The following SGSM2 variants were observed in gnomAD, a reference collection of about 807,000 sequenced individuals.
SGSM2 encodes the protein small G protein signaling modulator 2.
SGSM2 carries 89 observed loss-of-function variants against 126.6 expected under a neutral mutation model. The observed-to-expected ratio is 0.70, with a 90% CI of 0.59 to 0.84. The LOEUF is 0.84. Among genes scored for constraint, SGSM2 ranks in the 40% least tolerant of loss-of-function variants. The pLI, the probability that SGSM2 is intolerant of heterozygous loss-of-function variation, is 0.00. For missense variants in SGSM2, 1,404 were observed against 1,416.6 expected, an observed-to-expected ratio of 0.99 and a Z score of 0.14; for synonymous variants, 614 against 574.3, an observed-to-expected ratio of 1.07 and a Z score of -0.99.
In SGSM2 at chr17:2,377,008, G is replaced by A; in HGVS notation, c.2742G>A (p.Gln914=). The A allele has an allele frequency of 6.2e-7, 1 of 1,613,942 alleles. No homozygotes were observed. The highest frequency in any genetic ancestry group is 8.5e-7 in the Non-Finnish European group (1 of 1,179,986). Residue 914 remains glutamine (Q), a synonymous_variant, in exon 21 of 24, where the codon CAG becomes CAA. Coordinates refer to ENST00000268989, the MANE Select transcript of SGSM2 (RefSeq NM_014853.3). ...CFSHLMKRMS[Q]NFPNGGAMDT... ...GCCACCTCATGAAGAGGATGAGCCA[G>A]AACTTCCCCAACGGGGGTGCCATGG...
rs1294555249 is a variant in SGSM2 at position 2,375,583 on chromosome 17, C to G, written c.2192C>G (p.Thr731Ser). 1.2e-6 allele frequency: 2 copies of G among 1,613,798 alleles called. No individual in the cohort carries two copies. Among genetic ancestry groups the G allele is most frequent in the African/African-American group, 2.7e-5 (2 of 74,920 alleles). Reference protein sequence around the residue: ...PKPEQEAGPGTPGTAVVEQQH... With the variant: ...PKPEQEAGPGSPGTAVVEQQH... ...CCTGAGCAGGAAGCAGGACCCGGGA[C>G]TCCGGGCACCGCCGTGGTGGAGCAG... is the stretch of plus-strand genomic sequence containing the variant. Residue 731 changes from threonine (T) to serine (S), a missense_variant, in exon 18 of 24, where the codon ACT becomes AGT. Transcript: ENST00000268989.
chr17:2,362,243 T>C lies in SGSM2; in HGVS notation c.431T>C (p.Val144Ala). ...CTCATCGAGAAAGTTCTGGACAAGGTCGTGCAATACCTGGCGGAAAACTGC... is the reference window on the plus strand; with the variant it reads ...CTCATCGAGAAAGTTCTGGACAAGGCCGTGCAATACCTGGCGGAAAACTGC... ...TALIEKVLDKVVQYLAENCSK... is the reference protein window; with the variant it reads ...TALIEKVLDKAVQYLAENCSK... The change falls in exon 4 of 24, where the codon GTC (valine) becomes GCC (alanine). Residue 144 changes from valine (V) to alanine (A), a missense_variant. Coordinates refer to ENST00000268989, the MANE Select transcript of SGSM2 (RefSeq NM_014853.3). This position sits in a 1 kb window ranked among gnomAD's most constrained non-coding sequence, Gnocchi z 4.9. 4 of 1,612,470 alleles carry C rather than the reference T, an allele frequency of 2.5e-6. No individual in the cohort carries two copies. Among genetic ancestry groups the C allele is most frequent in the Non-Finnish European group, 3.4e-6 (4 of 1,179,516 alleles).
In SGSM2 at chr17:2,337,776, C is replaced by G. The variant is rs769709173; in HGVS notation, c.57+31C>G. The G allele has an allele frequency of 1.4e-5, 21 of 1,492,466 alleles. No individual in the cohort carries two copies. The African/African-American group carries it at 2.8e-4, about 20-fold the overall frequency. 92.5% of individuals were successfully genotyped at this position (1,492,466 alleles called of 1,614,324 possible). ...GTCGAGTCAAGAACCCCGGGGGGCTCGCGCCCTGGCCCGCGCGGCCCAGGG... is the reference window on the plus strand; with the variant it reads ...GTCGAGTCAAGAACCCCGGGGGGCTGGCGCCCTGGCCCGCGCGGCCCAGGG... On this transcript the variant is annotated intron_variant, in intron 1 of 23. Transcript: ENST00000268989. This position sits in a 1 kb window ranked among gnomAD's most constrained non-coding sequence, Gnocchi z 5.1.
chr17:2,351,327 T>C (rs1210865714), intron 2 of SGSM2, among the ~76,000 whole-genome samples: 1 of 151,322 alleles, frequency 6.6e-6, no homozygotes, highest in African/African-American at 2.4e-5. Flanking sequence ...TGCCCAGGGA[T>C]TGGTCTGCCT....
At chr17:2,348,903 A>C (rs1320577841) in intron 2 of SGSM2, among the ~76,000 whole-genome samples, 1 of 152,054 alleles carries the variant, frequency 6.6e-6, no homozygotes, top group African/African-American at 2.4e-5. Context: ...CTGGGTCTAC[A>C]GGTCTACGCG....
chr17:2,359,703 A>ACTCCCCAGTCCCCC (rs1555599012), intron 2 of SGSM2, among the ~76,000 whole-genome samples: 2 of 152,034 alleles, frequency 1.3e-5, no homozygotes, highest in Admixed American at 1.3e-4. Flanking sequence ...CCCAGTCCCC[A>ACTCCCCAGTCCCCC]CGGCCTGGCT....
rs146837751 is a variant in SGSM2 at position 2,376,224 on chromosome 17, C to T, written c.2572C>T (p.Pro858Ser). 5 of 1,613,958 alleles carry T rather than the reference C, an allele frequency of 3.1e-6. No homozygotes were observed. Among genetic ancestry groups the T allele is most frequent in the Non-Finnish European group, 4.2e-6 (5 of 1,179,992 alleles). Reference sequence around the variant, plus strand: ...TGACCGCAACTACTGGTACTTCACGCCCCCCAACCTCGAGAGGCTCAGAGA... The same window carrying T: ...TGACCGCAACTACTGGTACTTCACGTCCCCCAACCTCGAGAGGCTCAGAGA... ...RCDRNYWYFT[P>S]PNLERLRDVM... Residue 858 changes from proline to serine, a missense_variant, in exon 19 of 24, where the codon CCC becomes TCC. Pro to Ser is a moderately conservative substitution (Grantham distance 74). Coordinates refer to ENST00000268989, the MANE Select transcript of SGSM2 (RefSeq NM_014853.3).
At chr17:2,343,820 G>A (rs147378901) in intron 2 of SGSM2, among the ~76,000 whole-genome samples, 200 bp downstream of exon 2, 250 of 152,268 alleles carry the variant, frequency 1.6e-3, no homozygotes, top group African/African-American at 5.8e-3. Flanking sequence ...AAGAATCTGC[G>A]TATTTTTTGT....
rs1031868560 is a variant in SGSM2, at chr17:2,363,186, C to A, written c.672+52C>A. On this transcript the variant is annotated intron_variant, in intron 6 of 23. Coordinates refer to ENST00000268989, the MANE Select transcript of SGSM2 (RefSeq NM_014853.3). The surrounding 1 kb of genome is among the most constrained non-coding windows in gnomAD (Gnocchi z 4.2). ...GCTCATCTGGGCTATGCCCATGGGC[C>A]TGTAGGGACGGGAAACCGGCCTCTC... The A allele has an allele frequency of 5.2e-6, 8 of 1,533,158 alleles. No homozygotes were observed. The highest frequency in any genetic ancestry group is 7.0e-6 in the Non-Finnish European group (8 of 1,143,172). The allele number at this position is 1,533,158 out of a possible 1,614,324, so 95.0% of individuals were successfully genotyped here. A position where few individuals can be genotyped will look rare whatever the true frequency, so the allele number is the denominator to read the frequency against.
chr17:2,363,847 T>C lies in SGSM2; in HGVS notation c.808-212T>C. 1.3e-6 allele frequency: 1 copy of C among 778,408 alleles called. No individual in the cohort carries two copies. Among genetic ancestry groups the C allele is most frequent in the Non-Finnish European group, 2.0e-6 (1 of 495,228 alleles). 48.2% of individuals were successfully genotyped at this position (778,408 alleles called of 1,614,324 possible). A position where few individuals can be genotyped will look rare whatever the true frequency, so the allele number is the denominator to read the frequency against. On this transcript the variant is annotated intron_variant, in intron 7 of 23. Coordinates refer to ENST00000268989, the MANE Select transcript of SGSM2 (RefSeq NM_014853.3). The surrounding 1 kb of genome is among the most constrained non-coding windows in gnomAD (Gnocchi z 4.2). ...TGGCTGGCCTGGAATGGACCTGGCA[T>C]CCAGGAGGCTGGCAGGAGAGAGTCA...
At chr17:2,365,734 C>T (rs534042352) in intron 11 of SGSM2, among the ~76,000 whole-genome samples, 1 of 151,418 alleles carries the variant, frequency 6.6e-6, no homozygotes, top group Non-Finnish European at 1.5e-5. Context: ...GGGTATGGGA[C>T]CAGCGCTACT....
intron 11 of SGSM2, among the ~76,000 whole-genome samples, chr17:2,365,743 C>CTTT (rs946989393): frequency 7.7e-5 from 10 of 129,516 alleles, no homozygotes; most frequent in South Asian, 2.4e-4. Flanking sequence ...ACCAGCGCTA[C>CTTT]TTTTTTTTTT....
intron 13 of SGSM2, 74 bp downstream of exon 13, chr17:2,371,489 G>A: frequency 4.7e-6 from 7 of 1,498,678 alleles, no homozygotes; most frequent in South Asian, 1.3e-5. Context: ...GTCCTTAAAG[G>A]CCGTGTCACC....
At position 2,371,320 on chromosome 17, in the gene SGSM2, G is replaced by A. The variant is rs766315758; in HGVS notation, c.1482G>A (p.Leu494=). ...GGCCCAGCCTGCCAGCCTGGCACCT[G>A]GAGCCCCTGTGCAGTCAGGGCTCCT... is the stretch of plus-strand genomic sequence containing the variant. The part of the protein sequence containing the change: ...GFGPSLPAWH[L]EPLCSQGSSC... The change falls in exon 13 of 24, where the codon CTG becomes CTA. Residue 494 remains leucine (L), a synonymous_variant. Coordinates refer to ENST00000268989, the MANE Select transcript of SGSM2 (RefSeq NM_014853.3). 6.2e-7 allele frequency: 1 copy of A among 1,612,550 alleles called. No homozygotes were observed. Among genetic ancestry groups the A allele is most frequent in the Non-Finnish European group, 8.5e-7 (1 of 1,179,896 alleles).
intron 2 of SGSM2, among the ~76,000 whole-genome samples, chr17:2,358,116 G>A (rs911916551): frequency 6.6e-6 from 1 of 152,172 alleles, no homozygotes; most frequent in Non-Finnish European, 1.5e-5. Context: ...CTGGGAGGTG[G>A]GGTCACAGTG....
At position 2,371,535 on chromosome 17, in the gene SGSM2, T is replaced by G. The variant is rs1304700529; in HGVS notation, c.1577+120T>G. The G allele has an allele frequency of 1.3e-5, 17 of 1,269,210 alleles. No homozygotes were observed. The Admixed American group carries it at 4.1e-4, about 31-fold the overall frequency. 78.6% of individuals were successfully genotyped at this position (1,269,210 alleles called of 1,614,324 possible). On this transcript the variant is annotated intron_variant, in intron 13 of 23. Transcript: ENST00000268989. ...GGTGGCCTCTAGAGTGGGACAGATCTGGGTTCAAATTTCACTTTTGCTACC... is the reference window on the plus strand; with the variant it reads ...GGTGGCCTCTAGAGTGGGACAGATCGGGGTTCAAATTTCACTTTTGCTACC...
chr17:2,368,475 AAT>A (rs1458459817), intron 12 of SGSM2, among the ~76,000 whole-genome samples: 1 of 152,206 alleles, frequency 6.6e-6, no homozygotes, highest in Non-Finnish European at 1.5e-5. Context: ...ATGTCCTCAG[AAT>A]ATGTCACACT....
Position 2,372,904 on chromosome 17 carries a change from C to T in SGSM2, c.1789-49C>T. ...GTGGGATGGGGCTCACCCAGCTGGG[C>T]CACGGTGACTGTGGAGGCTGCACAG... On this transcript the variant is annotated intron_variant, in intron 15 of 23. Coordinates refer to ENST00000268989, the MANE Select transcript of SGSM2 (RefSeq NM_014853.3). This position sits in a 1 kb window ranked among gnomAD's most constrained non-coding sequence, Gnocchi z 6.0. The T allele has an allele frequency of 6.5e-7, 1 of 1,543,742 alleles. No individual in the cohort carries two copies. Among genetic ancestry groups the T allele is most frequent in the Non-Finnish European group, 8.8e-7 (1 of 1,142,402 alleles).
At position 2,379,267 on chromosome 17, in the gene SGSM2, C is replaced by T. The variant is rs775286034; in HGVS notation, c.3067+64C>T. The T allele has an allele frequency of 2.0e-4, 314 of 1,591,696 alleles. 1 individual carries two copies. Among genetic ancestry groups the T allele is most frequent in the Non-Finnish European group, 1.5e-4 (169 of 1,162,970 alleles). On this transcript the variant is annotated intron_variant, in intron 23 of 23. Coordinates refer to ENST00000268989, the MANE Select transcript of SGSM2 (RefSeq NM_014853.3). ...AGGTGTGGAGGCCCCCACCTCTGCC[C>T]CGCACACAGCTGGAGGGTTCTCAGG...
Sources: gnomAD v4.1 joint callset for allele counts (sites outside exome capture counted in the v4.1 genomes callset) on GRCh38, gnomAD v4.1.1 for gene constraint, Gnocchi (gnomAD v3.1) non-coding constraint, MANE v1.5 for transcripts, NCBI Gene and HGNC (gene_info 2026-07-23, HGNC 2026-07-21) for gene names.